The following SYNPR variants were observed in gnomAD, a reference collection of about 807,000 sequenced individuals.
SYNPR encodes synaptoporin.
A neutral mutation model predicts 32.9 loss-of-function variants in SYNPR; 23 were observed. The observed-to-expected ratio is 0.70, with a 90% CI of 0.50 to 0.99. SYNPR has a LOEUF of 0.99. Ranked by LOEUF, SYNPR falls within the 50% of genes least tolerant of loss-of-function variation. The pLI is 0.00. For synonymous variants in SYNPR, 146 were observed against 135.9 expected (o/e 1.07, Z -0.52); for missense variants, 318 against 349.3 (o/e 0.91, Z 0.71).
chr3:63,571,955 G>C (rs1251079252), intron 4 of SYNPR, among the ~76,000 whole-genome samples: 1 of 152,146 alleles, frequency 6.6e-6, no homozygotes, highest in East Asian at 1.9e-4. Context: ...TGAAGAACCA[G>C]CTCTAAGCAG....
At chr3:63,507,890 G>A (rs1701620020) in intron 3 of SYNPR, among the ~76,000 whole-genome samples, 1 of 150,792 alleles carries the variant, frequency 6.6e-6, no homozygotes, top group Non-Finnish European at 1.5e-5. Context: ...TACAAGCCAT[G>A]GATATAAGTC....
chr3:63,223,228 C>G, the SYNPR span, among the ~76,000 whole-genome samples: 2 of 151,790 alleles, frequency 1.3e-5, no homozygotes, highest in African/African-American at 4.8e-5. Context: ...TTACTCTTCT[C>G]TGGCCCAAAC....
chr3:63,372,268 C>G (rs932211028), intron 2 of SYNPR, among the ~76,000 whole-genome samples: 2 of 152,112 alleles, frequency 1.3e-5, no homozygotes, highest in Admixed American at 6.5e-5. Flanking sequence ...CCTTCCACCC[C>G]CTGCTTCTCA....
intron 2 of SYNPR, among the ~76,000 whole-genome samples, chr3:63,367,154 T>C (rs1320286048): frequency 6.6e-6 from 1 of 152,178 alleles, no homozygotes; most frequent in Non-Finnish European, 1.5e-5. Flanking sequence ...AATTTGAGAT[T>C]GTTGAGATAT....
chr3:63,439,606 C>T (rs750609074), intron 2 of SYNPR, among the ~76,000 whole-genome samples: 15 of 152,152 alleles, frequency 9.9e-5, no homozygotes, highest in African/African-American at 2.9e-4. Flanking sequence ...GGAACCCAAG[C>T]TTCTAAAAAA....
chr3:63,393,014 G>A (rs533479857), intron 2 of SYNPR, among the ~76,000 whole-genome samples: 29 of 152,258 alleles, frequency 1.9e-4, no homozygotes, highest in African/African-American at 6.7e-4. Context: ...ACTAAATGGT[G>A]TGGATGGGAG....
At chr3:63,320,435 T>C (rs1175491603) in intron 2 of SYNPR, among the ~76,000 whole-genome samples, 1 of 152,034 alleles carries the variant, frequency 6.6e-6, no homozygotes, top group African/African-American at 2.4e-5. Context: ...CAGAACAAGC[T>C]GAAGAAAGCT....
At chr3:63,253,371 G>T (rs186110736) in intron 2 of SYNPR, among the ~76,000 whole-genome samples, 1 of 152,084 alleles carries the variant, frequency 6.6e-6, no homozygotes, top group Non-Finnish European at 1.5e-5. Context: ...ACAAACTCTT[G>T]AATGTTTTAA....
At chr3:63,519,060 C>T (rs1701855237) in intron 3 of SYNPR, among the ~76,000 whole-genome samples, 1 of 152,146 alleles carries the variant, frequency 6.6e-6, no homozygotes, top group African/African-American at 2.4e-5. Context: ...TGATGTATCA[C>T]ATTTATTGAT....
At chr3:63,200,927 C>G in the SYNPR span, among the ~76,000 whole-genome samples, 2 of 152,084 alleles carry the variant, frequency 1.3e-5, no homozygotes, top group Non-Finnish European at 2.9e-5. Flanking sequence ...ACAAAAGAAG[C>G]AAAATGGGCA....
At chr3:63,570,561 C>G (rs1444202168) in intron 4 of SYNPR, among the ~76,000 whole-genome samples, 1 of 152,138 alleles carries the variant, frequency 6.6e-6, no homozygotes, top group African/African-American at 2.4e-5. Context: ...GAAGGTCCTC[C>G]TCCCTTCTCC....
At chr3:63,392,491 T>C (rs939417457) in intron 2 of SYNPR, among the ~76,000 whole-genome samples, 2 of 152,184 alleles carry the variant, frequency 1.3e-5, no homozygotes, top group African/African-American at 4.8e-5. Flanking sequence ...CACCTGAGTA[T>C]CACCTGGGAA....
chr3:63,430,235 C>A (rs1699967607), intron 2 of SYNPR, among the ~76,000 whole-genome samples: 1 of 152,108 alleles, frequency 6.6e-6, no homozygotes, highest in Non-Finnish European at 1.5e-5. Flanking sequence ...CTTATTTTGT[C>A]AAAGGTCAGT....
rs1315412741 is a variant in SYNPR, at chr3:63,615,185, G to A, written c.601-39G>A. On this transcript the variant is annotated intron_variant, in intron 5 of 5. Coordinates refer to ENST00000478300, the MANE Select transcript of SYNPR (RefSeq NM_001130003.2). ...AAATTGAAATTTTTCTTGGGTTTTT[G>A]TCTAGTCTATCAATTCATTGGCTTT... 4.4e-6 allele frequency: 7 copies of A among 1,591,102 alleles called. No homozygotes were observed. The East Asian group carries it at 1.6e-4, about 36-fold the overall frequency.
At chr3:63,543,859 C>G (rs1702350976) in intron 3 of SYNPR, among the ~76,000 whole-genome samples, 1 of 152,054 alleles carries the variant, frequency 6.6e-6, no homozygotes, top group Non-Finnish European at 1.5e-5. Context: ...CACTAAACAT[C>G]ACCTTCCCTT....
chr3:63,325,708 A>G (rs2087158571), intron 2 of SYNPR, among the ~76,000 whole-genome samples: 1 of 151,734 alleles, frequency 6.6e-6, no homozygotes, highest in Non-Finnish European at 1.5e-5. Flanking sequence ...GGCTTAGGTA[A>G]CCTTGGAAAG....
chr3:63,473,383 TATTGATTG>T (rs34567548), intron 2 of SYNPR, among the ~76,000 whole-genome samples: 2 of 151,486 alleles, frequency 1.3e-5, no homozygotes, highest in South Asian at 2.1e-4. Context: ...AGGGGAAGGA[TATTGATTG>T]ATTGATTGAT....
chr3:63,525,661 A>G (rs928087391), intron 3 of SYNPR, among the ~76,000 whole-genome samples: 1 of 152,204 alleles, frequency 6.6e-6, no homozygotes, highest in African/African-American at 2.4e-5. Flanking sequence ...TGTGCTAGGC[A>G]CAGTTCAAGA....
Position 63,433,411 on chromosome 3 carries a change from C to T in SYNPR, c.85-47421C>T, listed in dbSNP as rs1327769519. ...AGACATTCTATTTTAAAAATAGAGG[C>T]ACAGCTGAAGAAAGAAAACTGGTTT... On this transcript the variant is annotated intron_variant, in intron 2 of 5. Coordinates refer to ENST00000478300, the MANE Select transcript of SYNPR (RefSeq NM_001130003.2). Among the ~76,000 whole-genome samples the T allele has an allele frequency of 2.0e-5, 3 of 152,094 alleles. No homozygotes were observed. The East Asian group carries it at 5.8e-4, about 29-fold the overall frequency.
Sources: gnomAD v4.1 joint callset for allele counts (sites outside exome capture counted in the v4.1 genomes callset) on GRCh38, gnomAD v4.1.1 for gene constraint, MANE v1.5 for transcripts, NCBI Gene and HGNC (gene_info 2026-07-23, HGNC 2026-07-21) for gene names.